XIRP2: variants seen among roughly 807,000 people sequenced by gnomAD.
The protein encoded by XIRP2 is xin actin-binding repeat-containing protein 2.
A neutral mutation model predicts 277.0 loss-of-function variants in XIRP2; 236 were observed. The observed-to-expected ratio is 0.85, with a 90% CI of 0.77 to 0.95. The LOEUF is 0.95. XIRP2 is among the 40% of genes least tolerant of loss of function. The pLI is 0.00. For synonymous variants in XIRP2, 1,490 were observed against 1,416.5 expected (o/e 1.05, Z -1.17); for missense variants, 4,640 against 4,157.5 (o/e 1.12, Z -3.19).
At chr2:167,083,595 T>A (rs1689815912) in intron 2 of XIRP2, among the ~76,000 whole-genome samples, 1 of 152,194 alleles carries the variant, frequency 6.6e-6, no homozygotes, top group Admixed American at 6.5e-5. Context: ...GTTCTTCCAT[T>A]TGTTTGTATC....
intron 2 of XIRP2, among the ~76,000 whole-genome samples, chr2:167,111,318 G>A (rs1024848670): frequency 6.6e-6 from 1 of 152,104 alleles, no homozygotes; most frequent in Non-Finnish European, 1.5e-5. Flanking sequence ...GTTTGTCATA[G>A]ATGGCTCTTA....
intron 2 of XIRP2, among the ~76,000 whole-genome samples, chr2:166,939,963 C>T (rs575798726): frequency 2.2e-4 from 34 of 151,968 alleles, no homozygotes; most frequent in Non-Finnish European, 4.1e-4. Context: ...TTGTGGTGTT[C>T]TCTGTATTTC....
chr2:167,095,089 T>G (rs59250079), intron 2 of XIRP2, among the ~76,000 whole-genome samples: 42,511 of 152,030 alleles, frequency 0.28, 8,099 homozygotes, highest in African/African-American at 0.54. Flanking sequence ...TTGTGAATGG[T>G]AATTTACTCA....
At chr2:167,017,291 A>G (rs981023053) in intron 2 of XIRP2, among the ~76,000 whole-genome samples, 3 of 151,904 alleles carry the variant, frequency 2.0e-5, no homozygotes, top group African/African-American at 7.3e-5. Context: ...CTGTCACTTG[A>G]GCAAGTCTTG....
chr2:167,224,517 A>C (rs111906794), intron 5 of XIRP2, among the ~76,000 whole-genome samples: 9,189 of 152,106 alleles, frequency 0.06, 486 homozygotes, highest in African/African-American at 0.14. Context: ...AAGTGCTGGA[A>C]TTACAGTCAT....
At chr2:167,039,629 G>A (rs1688609296) in intron 2 of XIRP2, among the ~76,000 whole-genome samples, 1 of 152,222 alleles carries the variant, frequency 6.6e-6, no homozygotes, top group Non-Finnish European at 1.5e-5. Context: ...AGAGAATGTG[G>A]GAAATAGGAG....
chr2:167,198,360 A>C (rs2105374041), intron 3 of XIRP2, among the ~76,000 whole-genome samples: 1 of 152,316 alleles, frequency 6.6e-6, no homozygotes, highest in Non-Finnish European at 1.5e-5. Flanking sequence ...TTAATATGTA[A>C]ACATTCCTGT....
intron 2 of XIRP2, among the ~76,000 whole-genome samples, chr2:166,977,398 T>C (rs1332449515): frequency 6.6e-6 from 1 of 152,216 alleles, no homozygotes; most frequent in Non-Finnish European, 1.5e-5. Flanking sequence ...GGAGACTGCT[T>C]ATATTTTCCC....
intron 2 of XIRP2, among the ~76,000 whole-genome samples, chr2:167,133,345 T>G (rs1691441271): frequency 6.6e-6 from 1 of 152,164 alleles, no homozygotes; most frequent in African/African-American, 2.4e-5. Context: ...AGCTGCCTCC[T>G]TACCCCTTGC....
intron 3 of XIRP2, among the ~76,000 whole-genome samples, chr2:167,166,960 A>G (rs1361907439): frequency 6.6e-6 from 1 of 152,200 alleles, no homozygotes; most frequent in African/African-American, 2.4e-5. Context: ...ATAAAAATAC[A>G]TGTATCTATT....
At chr2:167,130,221 C>T (rs752458514) in intron 2 of XIRP2, among the ~76,000 whole-genome samples, 23 of 152,090 alleles carry the variant, frequency 1.5e-4, no homozygotes, top group South Asian at 6.2e-4. Flanking sequence ...TCCTCTCCTA[C>T]TTTTTCTTTA....
chr2:166,940,209 C>G (rs1266504289), intron 2 of XIRP2, among the ~76,000 whole-genome samples: 1 of 152,222 alleles, frequency 6.6e-6, no homozygotes, highest in Non-Finnish European at 1.5e-5. Flanking sequence ...TCTTCAATCA[C>G]TGATACCCTT....
chr2:166,959,927 T>G (rs892312983), intron 2 of XIRP2, among the ~76,000 whole-genome samples: 2 of 151,662 alleles, frequency 1.3e-5, no homozygotes, highest in African/African-American at 4.8e-5. Flanking sequence ...GTAGCTGAGG[T>G]TTTGGAAAAT....
intron 3 of XIRP2, chr2:167,187,404 C>T (rs1331494024): frequency 7.1e-6 from 7 of 985,266 alleles, no homozygotes; most frequent in Non-Finnish European, 8.4e-6. Context: ...GCCTCCACTG[C>T]ACCCATTGCT....
At position 166,899,549 on chromosome 2, in the gene XIRP2, G is replaced by T. The variant is rs1238711361; in HGVS notation, c.-18-3916G>T. Among the ~76,000 whole-genome samples the T allele has an allele frequency of 2.6e-5, 4 of 151,844 alleles. No homozygotes were observed. In the South Asian group the frequency reaches 6.2e-4, roughly 24 times the overall value. Reference sequence around the variant, plus strand: ...CCCCCTAGCCAATTTTTTAGTATAGGTTTACCAGCAACAAATTATTCTTAG... The same window carrying T: ...CCCCCTAGCCAATTTTTTAGTATAGTTTTACCAGCAACAAATTATTCTTAG... On this transcript the variant is annotated intron_variant, in intron 1 of 10. Transcript: ENST00000409195.
At chr2:167,252,043 C>T in intron 9 of XIRP2, 96 bp downstream of exon 9, 1 of 1,482,136 alleles carries the variant, frequency 6.7e-7, no homozygotes, top group Non-Finnish European at 8.9e-7. Flanking sequence ...TGCGTGGAAA[C>T]AACCAAACAA....
intron 2 of XIRP2, among the ~76,000 whole-genome samples, chr2:166,951,840 G>C (rs186407231): frequency 6.6e-6 from 1 of 152,128 alleles, no homozygotes; most frequent in Admixed American, 6.6e-5. Context: ...ACGAGCACAT[G>C]CTTTGGAGAG....
rs1394945084 is a variant in XIRP2 at position 167,245,869 on chromosome 2, C to T, written c.4477C>T (p.Leu1493Phe). ...AGGTGATGTTAAGCAGGCTGTGTGG[C>T]TTTTTGAAAATCGAACTTTCGATTC... ...QKGDVKQAVW[L>F]FENRTFDSIM... Residue 1493 changes from leucine to phenylalanine, a missense_variant, in exon 9 of 11, where the codon CTT (leucine) becomes TTT (phenylalanine). Physicochemically the swap from Leu to Phe is conservative, Grantham distance 22. Transcript: ENST00000409195. 3.1e-6 allele frequency: 5 copies of T among 1,613,560 alleles called. No individual in the cohort carries two copies. The highest frequency in any genetic ancestry group is 1.1e-5 in the South Asian group (1 of 91,080).
chr2:167,166,506 G>A (rs12105375), intron 3 of XIRP2, among the ~76,000 whole-genome samples: 8,155 of 152,110 alleles, frequency 0.054, 356 homozygotes, highest in African/African-American at 0.12. Context: ...CTGTTTTTGC[G>A]TTGCTATGAA....
Sources: allele counts gnomAD v4.1 joint callset (sites outside exome capture counted in the v4.1 genomes callset), GRCh38; gene constraint gnomAD v4.1.1; transcripts MANE v1.5; gene names NCBI Gene and HGNC (gene_info 2026-07-23, HGNC 2026-07-21).